Variants in SMARCAD1 observed in about 807,000 individuals in gnomAD.
SMARCAD1 encodes the protein SNF2 related chromatin remodeling ATPase with DExD box 1, also known as SWI/SNF-related matrix-associated actin-dependent regulator of chromatin subfamily A containing DEAD/H box 1.
SMARCAD1 carries 25 observed loss-of-function variants against 127.1 expected under a neutral mutation model. The ratio of observed to expected loss-of-function variants is 0.20; its 90% CI spans 0.14 to 0.27. The LOEUF is 0.27. SMARCAD1 is among the 10% of genes least tolerant of loss of function. The pLI, the probability that SMARCAD1 is intolerant of heterozygous loss-of-function variation, is 1.00. For missense variants in SMARCAD1, 807 were observed against 1,206.0 expected (o/e 0.67, Z 4.90); for synonymous variants, 400 against 396.9 (o/e 1.01, Z -0.09).
intron 2 of SMARCAD1, 118 bp from the exon 3 acceptor site, chr4:94,226,001 T>C: frequency 1.1e-6 from 1 of 901,662 alleles, no homozygotes; most frequent in Non-Finnish European, 1.7e-6. Context: ...GGTGAGAATT[T>C]TGATTTTTAG....
At chr4:94,284,342 A>G (rs1288862662) in intron 22 of SMARCAD1, among the ~76,000 whole-genome samples, 5 of 104,574 alleles carry the variant, frequency 4.8e-5, no homozygotes, top group Non-Finnish European at 8.8e-5. Context: ...AAAAAAAAAA[A>G]AAAAAAAAAA....
At chr4:94,281,614 C>CA (rs749395989) in intron 21 of SMARCAD1, 24 bp downstream of exon 21, 131 of 1,350,216 alleles carry the variant, frequency 9.7e-5, no homozygotes, top group South Asian at 1.4e-4. Context: ...ATGTTAGTTA[C>CA]AAAAAAATAA....
At chr4:94,278,829 A>G (rs1250909416) in intron 18 of SMARCAD1, 96 bp downstream of exon 18, 2 of 1,600,704 alleles carry the variant, frequency 1.2e-6, no homozygotes, top group Non-Finnish European at 1.7e-6. Flanking sequence ...ATTTTAAAAA[A>G]TTATCTGGAA....
chr4:94,239,878 C>G (rs1217630228), intron 5 of SMARCAD1, among the ~76,000 whole-genome samples: 1 of 152,070 alleles, frequency 6.6e-6, no homozygotes, highest in Non-Finnish European at 1.5e-5. Context: ...GGCTTCTGTT[C>G]TGTTCTTTTT....
At chr4:94,224,620 T>C (rs1744712529) in intron 2 of SMARCAD1, among the ~76,000 whole-genome samples, 1 of 152,244 alleles carries the variant, frequency 6.6e-6, no homozygotes, top group South Asian at 2.1e-4. Flanking sequence ...TGGATCAGGA[T>C]GTTCAATCTG....
intron 23 of SMARCAD1, 123 bp from the exon 24 acceptor site, chr4:94,289,350 A>G (rs943429380): frequency 2.2e-5 from 18 of 834,316 alleles, no homozygotes; most frequent in Admixed American, 7.9e-5. Flanking sequence ...GGTGAGTGAC[A>G]CTGAAGCAAA....
intron 23 of SMARCAD1, among the ~76,000 whole-genome samples, chr4:94,287,690 A>T (rs1755139049): frequency 1.3e-5 from 2 of 152,184 alleles, no homozygotes. Context: ...TCAGAGAACC[A>T]CTGCTTTAAA....
chr4:94,226,385 T>TC, intron 3 of SMARCAD1, 89 bp downstream of exon 3: 2 of 967,078 alleles, frequency 2.1e-6, no homozygotes, highest in Non-Finnish European at 3.0e-6. Flanking sequence ...TTTGGTGACT[T>TC]CCCTTTTTTT....
intron 2 of SMARCAD1, among the ~76,000 whole-genome samples, chr4:94,211,146 C>T (rs905204232): frequency 6.6e-6 from 1 of 151,928 alleles, no homozygotes. Context: ...GTGGTACATG[C>T]CTGTAATCCC....
chr4:94,253,005 C>G lies in SMARCAD1; in HGVS notation c.1279C>G (p.Leu427Val). 3 of 1,611,530 alleles carry G rather than the reference C, an allele frequency of 1.9e-6. No individual in the cohort carries two copies. The highest frequency in any genetic ancestry group is 1.7e-6 in the Non-Finnish European group (2 of 1,179,972). Residue 427 changes from leucine to valine, a missense_variant and splice_region_variant, in exon 9 of 24, where the codon CTG becomes GTG. Physicochemically the swap from Leu to Val is conservative, Grantham distance 32 (BLOSUM62 1). Around this residue, in one of 8 missense-constraint regions of SMARCAD1, gnomAD observed 257 missense variants for 303.4 expected, o/e 0.85. Coordinates refer to ENST00000354268, the MANE Select transcript of SMARCAD1 (RefSeq NM_020159.5). The part of the protein sequence containing the change: ...ELRPFNSWEA[L>V]FTKMSKTNGL... The stretch of plus-strand genomic sequence containing the variant: ...CCGGCCCTTTAATAGTTGGGAGGCT[C>G]TGGTAAGGCTTTATTCTTTTTTTCC...
At chr4:94,247,945 A>G (rs917478435) in intron 6 of SMARCAD1, among the ~76,000 whole-genome samples, 1 of 152,202 alleles carries the variant, frequency 6.6e-6, no homozygotes, top group African/African-American at 2.4e-5. Flanking sequence ...TCTGTCACCC[A>G]GATAGTAAGG....
intron 2 of SMARCAD1, among the ~76,000 whole-genome samples, chr4:94,225,754 T>A (rs1473687281): frequency 6.6e-6 from 1 of 152,194 alleles, no homozygotes; most frequent in African/African-American, 2.4e-5. Flanking sequence ...AATTAAGGCT[T>A]AGAGAAATTA....
chr4:94,281,135 A>T (rs926967975), intron 20 of SMARCAD1, among the ~76,000 whole-genome samples: 1 of 152,188 alleles, frequency 6.6e-6, no homozygotes, highest in African/African-American at 2.4e-5. Flanking sequence ...AATAGCCTAA[A>T]TTTGTAAAAT....
At chr4:94,224,673 A>C (rs1001012357) in intron 2 of SMARCAD1, among the ~76,000 whole-genome samples, 1 of 152,186 alleles carries the variant, frequency 6.6e-6, no homozygotes, top group African/African-American at 2.4e-5. Context: ...TGATTGTTAT[A>C]ATTTAGTGTT....
chr4:94,282,391 C>T lies in SMARCAD1; in HGVS notation c.2727-730C>T, dbSNP rs1002526047. On this transcript the variant is annotated intron_variant, in intron 21 of 23. Coordinates refer to ENST00000354268, the MANE Select transcript of SMARCAD1 (RefSeq NM_020159.5). Reference sequence around the variant, plus strand: ...GATTACAGGCGTGAGCCACCGCGCCCGGCGCAAATACGTTTTGAAACAGCT... The same window carrying T: ...GATTACAGGCGTGAGCCACCGCGCCTGGCGCAAATACGTTTTGAAACAGCT... Among the ~76,000 whole-genome samples the T allele has an allele frequency of 1.3e-4, 20 of 151,892 alleles. No individual in the cohort carries two copies. In the East Asian group the frequency reaches 2.8e-3, roughly 21 times the overall value.
At chr4:94,216,561 G>A (rs988036159) in intron 2 of SMARCAD1, among the ~76,000 whole-genome samples, 3 of 152,092 alleles carry the variant, frequency 2.0e-5, no homozygotes, top group Non-Finnish European at 4.4e-5. Flanking sequence ...CTATTCTCCA[G>A]CACTCTTTTC....
intron 2 of SMARCAD1, among the ~76,000 whole-genome samples, chr4:94,224,624 C>T (rs1560517553): frequency 6.6e-6 from 1 of 152,142 alleles, no homozygotes; most frequent in Non-Finnish European, 1.5e-5. Flanking sequence ...TCAGGATGTT[C>T]AATCTGTATT....
rs1560567493 is a variant in SMARCAD1 at position 94,280,723 on chromosome 4, T to C, written c.2550T>C (p.Ile850=). The change falls in exon 20 of 24, where the codon ATT becomes ATC. Residue 850 remains isoleucine (I), a synonymous_variant. Transcript: ENST00000354268. ...INNFQLDMDL[I]LDSGKFRVLG... The stretch of plus-strand genomic sequence containing the variant: ...ACTTTCAGTTAGACATGGACTTGAT[T>C]TTAGATTCTGGAAAATTTCGAGTTT... 1 of 1,613,764 alleles carries C rather than the reference T, an allele frequency of 6.2e-7. No individual in the cohort carries two copies. The highest frequency in any genetic ancestry group is 2.2e-5 in the East Asian group (1 of 44,786).
At chr4:94,279,135 A>T (rs898674419) in intron 19 of SMARCAD1, 85 bp downstream of exon 19, 7 of 1,560,456 alleles carry the variant, frequency 4.5e-6, no homozygotes, top group Non-Finnish European at 6.2e-6. Context: ...CAATGGGCAT[A>T]CTAAACCTTT....
Sources: gnomAD v4.1 joint callset for allele counts (sites outside exome capture counted in the v4.1 genomes callset) on GRCh38, gnomAD v4.1.1 for gene constraint, gnomAD v4.1.1 regional missense constraint, MANE v1.5 for transcripts, NCBI Gene and HGNC (gene_info 2026-07-23, HGNC 2026-07-21) for gene names.